ADRA1B: variants seen among roughly 807,000 people sequenced by gnomAD.
ADRA1B encodes the protein adrenoceptor alpha 1B, also known as alpha-1B adrenergic receptor.
ADRA1B carries 17 observed loss-of-function variants against 17.9 expected under a neutral mutation model. The observed-to-expected ratio is 0.95, with a 90% CI of 0.65 to 1.42. The LOEUF is 1.42. Ranked by LOEUF, ADRA1B falls within the 40% of genes most tolerant of loss-of-function variation. The pLI, the probability that ADRA1B is intolerant of heterozygous loss-of-function variation, is 0.00. For synonymous variants in ADRA1B, 366 were observed against 327.6 expected (o/e 1.12, Z -1.27); for missense variants, 681 against 722.1 (o/e 0.94, Z 0.65).
At chr5:159,971,856 G>GGGGT in intron 1 of ADRA1B, 23 bp from the exon 2 acceptor site, 1 of 1,306,262 alleles carries the variant, frequency 7.7e-7, no homozygotes, top group Non-Finnish European at 9.8e-7. Flanking sequence ...TTCTGCCCGT[G>GGGGT]CCCACCCCCC....
intron 1 of ADRA1B, among the ~76,000 whole-genome samples, chr5:159,939,318 T>TGCGCGC (rs1370884383): frequency 1.5e-4 from 15 of 98,244 alleles, no homozygotes; most frequent in East Asian, 8.3e-4. Context: ...TGTGTGTGTG[T>TGCGCGC]GTGTGCGCGC....
chr5:159,946,742 C>G (rs1428097471), intron 1 of ADRA1B, among the ~76,000 whole-genome samples: 7 of 152,176 alleles, frequency 4.6e-5, no homozygotes, highest in African/African-American at 1.7e-4. Context: ...CTATTGTTCC[C>G]TCTCTTAAGA....
chr5:159,914,465 A>G (rs916284459), upstream of ADRA1B, among the ~76,000 whole-genome samples: 1 of 152,228 alleles, frequency 6.6e-6, no homozygotes, highest in Non-Finnish European at 1.5e-5. Context: ...GAAGATCTAA[A>G]TCACTATAAA....
Position 159,916,698 on chromosome 5 carries a change from TC to T in ADRA1B, c.-206del. 1 of 525,268 alleles carries T rather than the reference TC, an allele frequency of 1.9e-6. No homozygotes were observed. The highest frequency in any genetic ancestry group is 3.4e-6 in the Non-Finnish European group (1 of 295,940). The allele number at this position is 525,268 out of a possible 1,614,324, so 32.5% of individuals were successfully genotyped here. A position where few individuals can be genotyped will look rare whatever the true frequency, so the allele number is the denominator to read the frequency against. ...GCCGCCTCGTCCCCTCTCCTCCTCC[TC>T]CTCCCTCTGACAGGCGAGCGAGCGA... On this transcript the variant is annotated 5_prime_UTR_variant, in exon 1 of 2. Transcript: ENST00000306675.
intron 1 of ADRA1B, among the ~76,000 whole-genome samples, chr5:159,881,325 C>CTCTCTCTT (rs1753861210): frequency 6.6e-6 from 1 of 151,712 alleles, no homozygotes; most frequent in Non-Finnish European, 1.5e-5. Context: ...CTCTCTCTCT[C>CTCTCTCTT]TCTCTCTCTC....
intron 1 of ADRA1B, among the ~76,000 whole-genome samples, chr5:159,908,450 C>T (rs1754190212): frequency 6.6e-6 from 1 of 152,058 alleles, no homozygotes; most frequent in South Asian, 2.1e-4. Flanking sequence ...GGCTTGGTGC[C>T]ATTCTTGCAG....
chr5:159,981,686 T>C, the ADRA1B span, among the ~76,000 whole-genome samples: 9 of 152,274 alleles, frequency 5.9e-5, no homozygotes, highest in Admixed American at 2.6e-4. Flanking sequence ...TTAGTAGAGA[T>C]GGGGTTTCAC....
chr5:159,963,647 G>A (rs1353728372), intron 1 of ADRA1B, among the ~76,000 whole-genome samples: 15 of 152,148 alleles, frequency 9.9e-5, no homozygotes, highest in South Asian at 2.1e-4. Flanking sequence ...TTAGCCCATC[G>A]CCTGGCACAG....
the ADRA1B span, among the ~76,000 whole-genome samples, chr5:159,987,389 C>A: frequency 1.3e-5 from 2 of 152,244 alleles, no homozygotes; most frequent in African/African-American, 4.8e-5. Context: ...CTCCTGGGGC[C>A]TTTCCTCGCC....
At chr5:159,926,744 G>A (rs1040138987) in intron 1 of ADRA1B, among the ~76,000 whole-genome samples, 4 of 151,932 alleles carry the variant, frequency 2.6e-5, no homozygotes, top group South Asian at 2.1e-4. Flanking sequence ...AAAATTAGCC[G>A]GGCGTGGTAG....
intron 1 of ADRA1B, among the ~76,000 whole-genome samples, chr5:159,886,284 A>G (rs1030546292): frequency 6.6e-6 from 1 of 152,134 alleles, no homozygotes; most frequent in Admixed American, 6.6e-5. Context: ...GTCTATGCTC[A>G]TCTCCCTTCC....
chr5:159,934,673 C>T (rs1233283046), intron 1 of ADRA1B, among the ~76,000 whole-genome samples: 3 of 151,976 alleles, frequency 2.0e-5, no homozygotes, highest in Non-Finnish European at 4.4e-5. Context: ...GGTATGGTGG[C>T]AGGCACCTGT....
In ADRA1B at chr5:159,874,510, ATCCCTGAAGCTGGTGGTGACTCAT is replaced by A. The variant is rs144210561; in HGVS notation, c.-256+9310_-256+9333del. Among the ~76,000 whole-genome samples, 769 of 152,096 alleles carry A rather than the reference ATCCCTGAAGCTGGTGGTGACTCAT, an allele frequency of 5.1e-3. 7 individuals are homozygous for A. Among genetic ancestry groups the A allele is most frequent in the African/African-American group, 0.018 (736 of 41,480 alleles). The stretch of plus-strand genomic sequence containing the variant: ...ATGACTTCATTGACATTTCTTCCAA[ATCCCTGAAGCTGGTGGTGACTCAT>A]TCCCTCTTGTCATCAAGGGGCATCA... On this transcript the variant is annotated intron_variant, in intron 1 of 2. Transcript: ENST00000641205.
At chr5:159,898,013 C>T (rs1561584970) in intron 1 of ADRA1B, among the ~76,000 whole-genome samples, 1 of 152,218 alleles carries the variant, frequency 6.6e-6, no homozygotes, top group Non-Finnish European at 1.5e-5. Flanking sequence ...CCTGCCACTT[C>T]CGGCTCCCAT....
chr5:159,916,765 CGG>C lies in ADRA1B; in HGVS notation c.-137_-136del. ...AGACGTGCTGCCGGGCTGGGCTGCC[CGG>C]GGGAGATGACTCCTCGCCAGGAGGG... On this transcript the variant is annotated 5_prime_UTR_variant, in exon 1 of 2. Coordinates refer to ENST00000306675, the MANE Select transcript of ADRA1B (RefSeq NM_000679.4). 2 of 777,354 alleles carry C rather than the reference CGG, an allele frequency of 2.6e-6. No homozygotes were observed. The highest frequency in any genetic ancestry group is 4.1e-6 in the Non-Finnish European group (2 of 485,714). The allele number at this position is 777,354 out of a possible 1,614,324, so 48.2% of individuals were successfully genotyped here.
chr5:159,937,894 G>A (rs1254235234), intron 1 of ADRA1B: 1 of 152,184 alleles, frequency 6.6e-6, no homozygotes, highest in Non-Finnish European at 1.5e-5. Context: ...ATAGTCACTG[G>A]TCCTGGGGTT....
upstream of ADRA1B, among the ~76,000 whole-genome samples, chr5:159,915,396 G>A (rs1035034062): frequency 6.6e-6 from 1 of 152,176 alleles, no homozygotes; most frequent in African/African-American, 2.4e-5. Flanking sequence ...CACTGTCTAG[G>A]ACAAAATAAA....
chr5:159,865,486 C>G (rs1753642135), intron 1 of ADRA1B, among the ~76,000 whole-genome samples: 1 of 152,236 alleles, frequency 6.6e-6, no homozygotes, highest in Non-Finnish European at 1.5e-5. Flanking sequence ...ACGCTGATCA[C>G]TAATTCTCGC....
chr5:159,917,809 A>G lies in ADRA1B; in HGVS notation c.904A>G (p.Met302Val), dbSNP rs1457472278. The G allele has an allele frequency of 1.2e-6, 2 of 1,613,158 alleles. No individual in the cohort carries two copies. Among genetic ancestry groups the G allele is most frequent in the South Asian group, 1.1e-5 (1 of 90,996 alleles). ...TAAGACGTTGGGCATTGTGGTCGGT[A>G]TGTTCATCTTGTGCTGGCTACCCTT... Reference protein sequence around the residue: ...AAKTLGIVVGMFILCWLPFFI... With the variant: ...AAKTLGIVVGVFILCWLPFFI... Residue 302 changes from methionine (M) to valine (V), a missense_variant, in exon 1 of 2, where the codon ATG becomes GTG. This residue lies in a region of ADRA1B where 424 missense variants were observed against 480.2 expected (regional missense o/e 0.88). Coordinates refer to ENST00000306675, the MANE Select transcript of ADRA1B (RefSeq NM_000679.4).
Sources: allele counts gnomAD v4.1 joint callset (sites outside exome capture counted in the v4.1 genomes callset), GRCh38; gene constraint gnomAD v4.1.1; regional missense constraint gnomAD v4.1.1; transcripts MANE v1.5; gene names NCBI Gene and HGNC (gene_info 2026-07-23, HGNC 2026-07-21).